The following PLXNA4 variants were observed in gnomAD, a reference collection of about 807,000 sequenced individuals.
PLXNA4 encodes the protein plexin A4, also known as plexin-A4.
A neutral mutation model predicts 191.8 loss-of-function variants in PLXNA4; 44 were observed. That is an observed-to-expected ratio of 0.23 (90% CI 0.18 to 0.29). The LOEUF (loss-of-function observed/expected upper bound fraction) is 0.29. PLXNA4 is among the 10% of genes least tolerant of loss of function. The probability of loss-of-function intolerance (pLI) is 1.00; values close to 1 mark genes in which losing one functional copy is unlikely to be tolerated. For synonymous variants in PLXNA4, 1,082 were observed against 1,009.5 expected (o/e 1.07, Z -1.36); for missense variants, 1,800 against 2,488.8 (o/e 0.72, Z 5.89).
chr7:132,454,425 C>G (rs1796242986), intron 3 of PLXNA4, among the ~76,000 whole-genome samples: 1 of 152,070 alleles, frequency 6.6e-6, no homozygotes, highest in Non-Finnish European at 1.5e-5. Flanking sequence ...AGAAAAGGGG[C>G]TTGGGTTCTG....
chr7:132,327,207 G>C (rs1802409584), intron 3 of PLXNA4, among the ~76,000 whole-genome samples: 1 of 151,642 alleles, frequency 6.6e-6, no homozygotes, highest in African/African-American at 2.4e-5. Context: ...GAGGGAAGGT[G>C]GGCAGCTTTG....
At chr7:132,130,953 G>T (rs1042748728) in intron 31 of PLXNA4, among the ~76,000 whole-genome samples, 1 of 152,210 alleles carries the variant, frequency 6.6e-6, no homozygotes, top group Non-Finnish European at 1.5e-5. Flanking sequence ...ATGGAAATGC[G>T]TAGTGCTCAG....
At position 132,621,918 on chromosome 7, in the gene PLXNA4, C is replaced by A. The variant is rs1803275763; in HGVS notation, c.-87+24010G>T. ...ATTGCTGCTATTTAACATAATTTTTCTAACTCTATTTCTTGCCCTCTTCTC... is the reference window on the plus strand; with the variant it reads ...ATTGCTGCTATTTAACATAATTTTTATAACTCTATTTCTTGCCCTCTTCTC... On this transcript the variant is annotated intron_variant, in intron 2 of 4. Transcript: ENST00000378539. Among the ~76,000 whole-genome samples the A allele has an allele frequency of 2.0e-5, 3 of 152,296 alleles. No homozygotes were observed. The South Asian group carries it at 6.2e-4, about 32-fold the overall frequency.
chr7:132,384,208 C>A, intron 3 of PLXNA4: 1 of 985,440 alleles, frequency 1.0e-6, no homozygotes, highest in Non-Finnish European at 1.2e-6. Context: ...CCTCCAGGAA[C>A]TATACGAGGT....
Position 132,140,778 on chromosome 7 carries a change from C to T in PLXNA4, c.5259G>A (p.Lys1753=), listed in dbSNP as rs956789630. 6.2e-6 allele frequency: 10 copies of T among 1,613,800 alleles called. No individual in the cohort carries two copies. The highest frequency in any genetic ancestry group is 8.5e-6 in the Non-Finnish European group (10 of 1,180,012). Residue 1753 remains lysine, a synonymous_variant, in exon 30 of 32, where the codon AAG becomes AAA. Transcript: ENST00000321063. ...LPLRFWVNMI[K]NPQFVFDIHK... ...GGATGTCAAACACAAACTGCGGGTT[C>T]TTGATCATGTTGACCCAAAACCTCA...
At chr7:132,284,191 C>T (rs1011644387) in intron 4 of PLXNA4, among the ~76,000 whole-genome samples, 3 of 152,154 alleles carry the variant, frequency 2.0e-5, no homozygotes, top group South Asian at 2.1e-4. Context: ...TTAATCTCTA[C>T]ATATCTATAC....
At chr7:132,577,999 T>TCCTG (rs1459824464), upstream of PLXNA4, among the ~76,000 whole-genome samples, 2 of 152,138 alleles carry the variant, frequency 1.3e-5, no homozygotes, top group Non-Finnish European at 2.9e-5. Context: ...TGAGCGGCTC[T>TCCTG]CCTGGCTCCT....
rs1794785195 is a variant in PLXNA4 at position 132,126,974 on chromosome 7, C to T, written c.*3505G>A. The T allele has an allele frequency of 6.6e-6, 1 of 152,176 alleles. No homozygotes were observed. The allele number at this position is 152,176 out of a possible 1,614,324, so 9.4% of individuals were successfully genotyped here. On this transcript the variant is annotated 3_prime_UTR_variant, in exon 32 of 32. Coordinates refer to ENST00000321063, the MANE Select transcript of PLXNA4 (RefSeq NM_020911.2). ...TGCAGCTACCAAGAAATGTCAGGGT[C>T]TCTCCTTATGGGGAAGGACAAAGAA...
At chr7:132,165,502 T>C (rs1478388597) in intron 22 of PLXNA4, among the ~76,000 whole-genome samples, 2 of 152,200 alleles carry the variant, frequency 1.3e-5, no homozygotes, top group Non-Finnish European at 2.9e-5. Context: ...TCTGTGATGA[T>C]GAAAATTTTC....
chr7:132,326,600 A>G (rs1308722776), intron 3 of PLXNA4, among the ~76,000 whole-genome samples: 1 of 152,088 alleles, frequency 6.6e-6, no homozygotes, highest in African/African-American at 2.4e-5. Flanking sequence ...GCTCTCTCGG[A>G]GAACCTCACA....
In PLXNA4 at chr7:132,192,772, T is replaced by C. The variant is rs562495649; in HGVS notation, c.2856+1290A>G. Among the ~76,000 whole-genome samples, 7 of 152,124 alleles carry C rather than the reference T, an allele frequency of 4.6e-5. No individual in the cohort carries two copies. The East Asian group carries it at 1.4e-3, about 29-fold the overall frequency. ...TGATGGGTGTGTGCGGCAGGGAATG[T>C]GTTTATGTCTCCACCATCTCCATAA... On this transcript the variant is annotated intron_variant, in intron 14 of 31. Coordinates refer to ENST00000321063, the MANE Select transcript of PLXNA4 (RefSeq NM_020911.2).
chr7:132,567,473 C>A (rs1032391735), intron 1 of PLXNA4, among the ~76,000 whole-genome samples: 5 of 152,162 alleles, frequency 3.3e-5, no homozygotes, highest in Non-Finnish European at 5.9e-5. Flanking sequence ...CATCTGGATT[C>A]ATCTGAATCC....
At chr7:132,357,348 T>C (rs1222555430) in intron 3 of PLXNA4, among the ~76,000 whole-genome samples, 1 of 152,190 alleles carries the variant, frequency 6.6e-6, no homozygotes, top group Non-Finnish European at 1.5e-5. Context: ...TGCATCCTTC[T>C]TGCCTTCCTA....
intron 1 of PLXNA4, among the ~76,000 whole-genome samples, chr7:132,549,202 G>A (rs982965800): frequency 4.6e-5 from 7 of 152,050 alleles, no homozygotes; most frequent in African/African-American, 1.4e-4. Flanking sequence ...TAATAAACTT[G>A]CGTTTGCTTT....
chr7:132,374,513 G>C (rs574995040), intron 3 of PLXNA4, among the ~76,000 whole-genome samples: 1 of 152,178 alleles, frequency 6.6e-6, no homozygotes, highest in African/African-American at 2.4e-5. Context: ...CTGGTAATTA[G>C]AAGCTACTGG....
At chr7:132,213,373 T>A (rs941308573) in intron 9 of PLXNA4, among the ~76,000 whole-genome samples, 2 of 152,242 alleles carry the variant, frequency 1.3e-5, no homozygotes, top group African/African-American at 4.8e-5. Context: ...GTAAATGTTA[T>A]GATATGTGTA....
chr7:132,149,273 C>T lies in PLXNA4; in HGVS notation c.4661-627G>A, dbSNP rs138437324. Among the ~76,000 whole-genome samples the T allele has an allele frequency of 1.6e-3, 238 of 152,276 alleles. 1 individual carries two copies. The highest frequency in any genetic ancestry group is 6.8e-3 in the Middle Eastern group (2 of 294). On this transcript the variant is annotated intron_variant, in intron 25 of 31. Coordinates refer to ENST00000321063, the MANE Select transcript of PLXNA4 (RefSeq NM_020911.2). Reference sequence around the variant, plus strand: ...TATCAACGTTGTAATCTATCCAACACCTAATTGTTTGATGTTACAAGGATA... The same window carrying T: ...TATCAACGTTGTAATCTATCCAACATCTAATTGTTTGATGTTACAAGGATA...
intron 5 of PLXNA4, among the ~76,000 whole-genome samples, chr7:132,239,114 C>T (rs1584886413): frequency 6.6e-6 from 1 of 152,194 alleles, no homozygotes; most frequent in African/African-American, 2.4e-5. Context: ...AGGCTGAGGG[C>T]CCCCTTCATG....
intron 4 of PLXNA4, among the ~76,000 whole-genome samples, chr7:132,282,962 G>T (rs770310068): frequency 3.3e-5 from 5 of 151,778 alleles, no homozygotes; most frequent in African/African-American, 1.2e-4. Flanking sequence ...CTGCAGCCTC[G>T]ATCTCCTGGG....
Sources: allele counts gnomAD v4.1 joint callset (sites outside exome capture counted in the v4.1 genomes callset), GRCh38; gene constraint gnomAD v4.1.1; transcripts MANE v1.5; gene names NCBI Gene and HGNC (gene_info 2026-07-23, HGNC 2026-07-21).